The following PXDNL variants were observed in gnomAD, a reference collection of about 807,000 sequenced individuals.
PXDNL encodes peroxidasin like.
PXDNL carries 145 observed loss-of-function variants against 150.8 expected under a neutral mutation model. The observed-to-expected ratio is 0.96, with a 90% CI of 0.84 to 1.10. The LOEUF (loss-of-function observed/expected upper bound fraction) is 1.10, where lower values mean the gene tolerates loss of function less well. Among genes scored for constraint, PXDNL ranks in the 50% least tolerant of loss-of-function variants. The pLI, the probability that PXDNL is intolerant of heterozygous loss-of-function variation, is 0.00. For missense variants in PXDNL, 2,087 were observed against 1,873.9 expected, an observed-to-expected ratio of 1.11 and a Z score of -2.10; for synonymous variants, 757 against 725.7, an observed-to-expected ratio of 1.04 and a Z score of -0.69.
In PXDNL at chr8:51,676,704, T is replaced by C. The variant is rs551801848; in HGVS notation, c.165-21944A>G. 6.9e-4 allele frequency among the ~76,000 whole-genome samples: 104 copies of C among 151,728 alleles called. 1 individual carries two copies. In the South Asian group the frequency reaches 0.013, roughly 20 times the overall value. ...TGGAAATAATGTATCTCTTGCCAAA[T>C]GCCTCCATCTCTTCTATCACAATTA... On this transcript the variant is annotated intron_variant, in intron 1 of 22. Transcript: ENST00000356297.
At chr8:51,356,385 C>T (rs181429432) in intron 19 of PXDNL, among the ~76,000 whole-genome samples, 40 of 151,690 alleles carry the variant, frequency 2.6e-4, no homozygotes, top group Non-Finnish European at 2.2e-4. Context: ...GCTACTCAGG[C>T]GCCTGAGGCA....
intron 14 of PXDNL, among the ~76,000 whole-genome samples, chr8:51,422,912 A>C (rs2129729684): frequency 6.6e-6 from 1 of 152,354 alleles, no homozygotes; most frequent in Non-Finnish European, 1.5e-5. Flanking sequence ...AGTCTACTCA[A>C]GTCTGCCTAC....
chr8:51,755,225 A>G (rs1270982414), intron 1 of PXDNL, among the ~76,000 whole-genome samples: 1 of 152,168 alleles, frequency 6.6e-6, no homozygotes, highest in Non-Finnish European at 1.5e-5. Flanking sequence ...TGAGAAGCAT[A>G]CCTTCATAAT....
intron 1 of PXDNL, among the ~76,000 whole-genome samples, chr8:51,737,141 T>C (rs1817054362): frequency 6.6e-6 from 1 of 152,240 alleles, no homozygotes; most frequent in African/African-American, 2.4e-5. Context: ...AAAGACACCT[T>C]GATTTTGGCC....
At chr8:51,396,690 A>G (rs145313407) in intron 17 of PXDNL, among the ~76,000 whole-genome samples, 8 of 152,310 alleles carry the variant, frequency 5.3e-5, no homozygotes, top group Admixed American at 5.2e-4. Flanking sequence ...CGTGGGAGGC[A>G]AAGGTTGAGG....
chr8:51,343,551 T>C (rs572746546), intron 20 of PXDNL, among the ~76,000 whole-genome samples: 1 of 152,310 alleles, frequency 6.6e-6, no homozygotes, highest in South Asian at 2.1e-4. Flanking sequence ...TGGGCTTCAA[T>C]GGGCCACCCA....
At chr8:51,366,447 T>TCTGGCTCAGGAGGCTGCC in intron 19 of PXDNL, among the ~76,000 whole-genome samples, 1 of 151,974 alleles carries the variant, frequency 6.6e-6, no homozygotes, top group Admixed American at 6.5e-5. Flanking sequence ...CTGAGCCTGC[T>TCTGGCTCAGGAGGCTGCC]CTGGCTCAGG....
intron 1 of PXDNL, among the ~76,000 whole-genome samples, chr8:51,708,132 G>A (rs773536516): frequency 6.6e-6 from 1 of 152,156 alleles, no homozygotes; most frequent in Non-Finnish European, 1.5e-5. Context: ...ACTAGCTCCT[G>A]AGAATATATG....
chr8:51,703,076 C>A (rs186191548), intron 1 of PXDNL, among the ~76,000 whole-genome samples: 1 of 152,240 alleles, frequency 6.6e-6, no homozygotes, highest in Non-Finnish European at 1.5e-5. Context: ...TATTAATCAG[C>A]TAATGTTGAA....
chr8:51,496,403 C>A (rs536360637), intron 5 of PXDNL, among the ~76,000 whole-genome samples: 1 of 152,216 alleles, frequency 6.6e-6, no homozygotes, highest in East Asian at 1.9e-4. Flanking sequence ...CACTCCTATT[C>A]AACATAGTGC....
intron 1 of PXDNL, among the ~76,000 whole-genome samples, chr8:51,707,428 C>G (rs1195979942): frequency 6.6e-6 from 1 of 152,146 alleles, no homozygotes; most frequent in Non-Finnish European, 1.5e-5. Context: ...ATACCACAGC[C>G]AAGTAGTACT....
chr8:51,409,058 G>A lies in PXDNL; in HGVS notation c.2566C>T (p.His856Tyr). 1 of 1,609,816 alleles carries A rather than the reference G, an allele frequency of 6.2e-7. No individual in the cohort carries two copies. The highest frequency in any genetic ancestry group is 8.5e-7 in the Non-Finnish European group (1 of 1,179,520). ...NTRHADPRGT[H>Y]APCMLFARSS... Reference sequence around the variant, plus strand: ...CGCGCGAAGAGCATGCAGGGCGCGTGGGTGCCCCGGGGGTCGGCGTGCCGG... The same window carrying A: ...CGCGCGAAGAGCATGCAGGGCGCGTAGGTGCCCCGGGGGTCGGCGTGCCGG... Residue 856 changes from histidine (H) to tyrosine (Y), a missense_variant, in exon 17 of 23, where the codon CAC becomes TAC. Transcript: ENST00000356297.
intron 4 of PXDNL, among the ~76,000 whole-genome samples, chr8:51,534,156 A>T (rs1448226405): frequency 7.2e-6 from 1 of 139,556 alleles, no homozygotes; most frequent in Non-Finnish European, 1.5e-5. Flanking sequence ...GGATGTGAGG[A>T]GCGCCTCTGC....
chr8:51,426,640 T>A lies in PXDNL; in HGVS notation c.1638+6A>T, dbSNP rs1331511182. The stretch of plus-strand genomic sequence containing the variant: ...AATATTACTGTACTTTTAGTTGAGA[T>A]CTTACCTTATTCCAAGTAATTATGG... On this transcript the variant is annotated splice_donor_region_variant and intron_variant, in intron 13 of 22. Coordinates refer to ENST00000356297, the MANE Select transcript of PXDNL (RefSeq NM_144651.5). 1 of 1,494,630 alleles carries A rather than the reference T, an allele frequency of 6.7e-7. No individual in the cohort carries two copies. The highest frequency in any genetic ancestry group is 1.4e-5 in the African/African-American group (1 of 72,566). 92.6% of individuals were successfully genotyped at this position (1,494,630 alleles called of 1,614,324 possible).
intron 1 of PXDNL, among the ~76,000 whole-genome samples, chr8:51,735,782 G>A (rs1369780861): frequency 2.0e-5 from 3 of 151,464 alleles, no homozygotes; most frequent in African/African-American, 4.8e-5. Context: ...TCCTGACCTC[G>A]TGATCCGCCC....
chr8:51,722,451 C>T (rs929780554), intron 1 of PXDNL, among the ~76,000 whole-genome samples: 3 of 152,226 alleles, frequency 2.0e-5, no homozygotes, highest in African/African-American at 7.2e-5. Flanking sequence ...TCGCAGATGG[C>T]TTACATGTTA....
intron 17 of PXDNL, among the ~76,000 whole-genome samples, chr8:51,394,970 A>T (rs1312161648): frequency 1.3e-5 from 2 of 152,162 alleles, no homozygotes; most frequent in Admixed American, 1.3e-4. Context: ...TCTGCCTCAC[A>T]TTTCACAAAG....
At chr8:51,480,581 T>A (rs1019538557) in intron 6 of PXDNL, among the ~76,000 whole-genome samples, 11 of 152,090 alleles carry the variant, frequency 7.2e-5, no homozygotes, top group African/African-American at 2.7e-4. Flanking sequence ...GGGGAGAACA[T>A]CCAAACTATA....
chr8:51,437,429 A>G (rs1809434892), intron 12 of PXDNL, among the ~76,000 whole-genome samples: 1 of 152,236 alleles, frequency 6.6e-6, no homozygotes. Flanking sequence ...TATAGATGCA[A>G]AAATCCTTAA....
Sources: allele counts gnomAD v4.1 joint callset (sites outside exome capture counted in the v4.1 genomes callset), GRCh38; gene constraint gnomAD v4.1.1; transcripts MANE v1.5; gene names NCBI Gene and HGNC (gene_info 2026-07-23, HGNC 2026-07-21).